The following ABCA3 variants were observed in gnomAD, a reference collection of about 807,000 sequenced individuals.
ABCA3 encodes ATP binding cassette subfamily A member 3.
ABCA3 carries 88 observed loss-of-function variants against 172.8 expected under a neutral mutation model. That is an observed-to-expected ratio of 0.51 (90% CI 0.43 to 0.61). The LOEUF (loss-of-function observed/expected upper bound fraction) is 0.61, where lower values mean the gene tolerates loss of function less well. ABCA3 is among the 20% of genes least tolerant of loss of function. The pLI is 0.00. For synonymous variants in ABCA3, 1,066 were observed against 983.8 expected, an observed-to-expected ratio of 1.08 and a Z score of -1.56; for missense variants, 2,164 against 2,301.0, an observed-to-expected ratio of 0.94 and a Z score of 1.22.
In ABCA3 at chr16:2,286,985, A is replaced by T. The variant is rs759361327; in HGVS notation, c.3005-18T>A. 34 of 1,610,058 alleles carry T rather than the reference A, an allele frequency of 2.1e-5. No individual in the cohort carries two copies. Among genetic ancestry groups the T allele is most frequent in the South Asian group, 1.1e-4 (10 of 90,620 alleles). On this transcript the variant is annotated intron_variant, in intron 21 of 32. Coordinates refer to ENST00000301732, the MANE Select transcript of ABCA3 (RefSeq NM_001089.3). This position sits in a 1 kb window ranked among gnomAD's most constrained non-coding sequence, Gnocchi z 5.2. ...CAGGTCACCTGGGGAGCAATGGCAGAGTCAGGGGACACAGGAAGAGGTGAC... is the reference window on the plus strand; with the variant it reads ...CAGGTCACCTGGGGAGCAATGGCAGTGTCAGGGGACACAGGAAGAGGTGAC...
intron 10 of ABCA3, 88 bp from the exon 11 acceptor site, chr16:2,308,711 C>T: frequency 5.3e-6 from 8 of 1,520,912 alleles, no homozygotes; most frequent in African/African-American, 1.4e-5. Context: ...ACCCCCTACT[C>T]CTGGGGCCGA....
chr16:2,294,511 C>T (rs1416004499), intron 18 of ABCA3, among the ~76,000 whole-genome samples: 1 of 151,634 alleles, frequency 6.6e-6, no homozygotes, highest in Admixed American at 6.6e-5. Flanking sequence ...CATAACAAGA[C>T]CCCATCTCTA....
At chr16:2,335,652 G>A (rs146984152) in intron 1 of ABCA3, among the ~76,000 whole-genome samples, 3 of 152,294 alleles carry the variant, frequency 2.0e-5, no homozygotes, top group Non-Finnish European at 2.9e-5. Flanking sequence ...CCTGACTGAG[G>A]AGGAGGCACC....
chr16:2,289,554 C>G lies in ABCA3; in HGVS notation c.2580G>C (p.Gln860His). ...QAIQLPALQY[Q>H]HERRASDWAV... is the part of the protein sequence containing the mutation. Reference sequence around the variant, plus strand: ...CCCAGTCGCTGGCGCGCCTCTCGTGCTGGTACTGCAGGGCAGGGAGCTGGA... The same window carrying G: ...CCCAGTCGCTGGCGCGCCTCTCGTGGTGGTACTGCAGGGCAGGGAGCTGGA... Residue 860 changes from glutamine to histidine, a missense_variant, in exon 20 of 33, where the codon CAG becomes CAC. Gln to His is a conservative substitution (Grantham distance 24). Coordinates refer to ENST00000301732, the MANE Select transcript of ABCA3 (RefSeq NM_001089.3). 6.4e-7 allele frequency: 1 copy of G among 1,565,318 alleles called. No individual in the cohort carries two copies. Among genetic ancestry groups the G allele is most frequent in the Non-Finnish European group, 8.7e-7 (1 of 1,155,480 alleles).
At chr16:2,291,442 G>A (rs1011817389) in intron 19 of ABCA3, among the ~76,000 whole-genome samples, 7 of 152,116 alleles carry the variant, frequency 4.6e-5, no homozygotes, top group East Asian at 3.9e-4. Context: ...GAGCCACCAC[G>A]CCCAGCCCCC....
chr16:2,306,831 C>A (rs1025344421), intron 11 of ABCA3, among the ~76,000 whole-genome samples: 2 of 151,934 alleles, frequency 1.3e-5, no homozygotes, highest in Non-Finnish European at 2.9e-5. Flanking sequence ...CTGGCTAACA[C>A]AGTGAAACCC....
chr16:2,333,878 CAG>C (rs2093747334), intron 1 of ABCA3, among the ~76,000 whole-genome samples: 1 of 151,888 alleles, frequency 6.6e-6, no homozygotes, highest in Non-Finnish European at 1.5e-5. Flanking sequence ...TTAGTAGAGA[CAG>C]GGTTTCACCA....
chr16:2,300,873 G>C (rs1226253845), intron 12 of ABCA3, among the ~76,000 whole-genome samples: 1 of 152,196 alleles, frequency 6.6e-6, no homozygotes, highest in Non-Finnish European at 1.5e-5. Flanking sequence ...ACGGCATCTG[G>C]CACACACTGC....
In ABCA3 at chr16:2,277,670, C is replaced by G. The variant is rs1567335271; in HGVS notation, c.4910G>C (p.Gly1637Ala). Residue 1637 changes from glycine (G) to alanine (A), a missense_variant and splice_region_variant, in exon 32 of 33, where the codon GGC (glycine) becomes GCC (alanine). By Grantham distance (60) the Gly-to-Ala change is moderately conservative. Around this residue, in one of 3 missense-constraint regions of ABCA3, gnomAD observed 795 missense variants for 881.9 expected, o/e 0.90. Coordinates refer to ENST00000301732, the MANE Select transcript of ABCA3 (RefSeq NM_001089.3). This position sits in a 1 kb window ranked among gnomAD's most constrained non-coding sequence, Gnocchi z 5.3. ...FKAFVDLTFP[G>A]SVLEDEHQGM... ...TTGGTGCTCATCTTCCAGGACGCTG[C>G]CTGCACAAAGGAGAGACGGTGTTGC... The G allele has an allele frequency of 1.2e-6, 2 of 1,613,164 alleles. No individual in the cohort carries two copies. The highest frequency in any genetic ancestry group is 2.2e-5 in the South Asian group (2 of 91,074).
intron 10 of ABCA3, among the ~76,000 whole-genome samples, chr16:2,313,568 A>T (rs1225488411): frequency 6.6e-6 from 1 of 151,058 alleles, no homozygotes. Flanking sequence ...AAAAAAAAAA[A>T]AAAAGAAGAA....
Position 2,284,519 on chromosome 16 carries a change from AG to A in ABCA3, c.3704-83del. 1 of 1,571,890 alleles carries A rather than the reference AG, an allele frequency of 6.4e-7. No homozygotes were observed. Among genetic ancestry groups the A allele is most frequent in the East Asian group, 2.2e-5 (1 of 44,632 alleles). The stretch of plus-strand genomic sequence containing the variant: ...GGACGGGCCTGGTCAGGGCGGGCAC[AG>A]GGCCTTATCCGTGCTGTGTGGAGTG... On this transcript the variant is annotated intron_variant, in intron 24 of 32. Transcript: ENST00000301732. This position sits in a 1 kb window ranked among gnomAD's most constrained non-coding sequence, Gnocchi z 5.9.
At position 2,281,053 on chromosome 16, in the gene ABCA3, G is replaced by T; in HGVS notation, c.4333C>A (p.His1445Asn). 1 of 1,613,868 alleles carries T rather than the reference G, an allele frequency of 6.2e-7. No individual in the cohort carries two copies. The highest frequency in any genetic ancestry group is 1.1e-5 in the South Asian group (1 of 91,074). ...LTSGDAFVGG[H>N]RISSDVGKVR... ...TTTCCGACATCAGAGCTGATTCTGTGACCCCCGACAAAGGCATCCCCAGAA... is the reference window on the plus strand; with the variant it reads ...TTTCCGACATCAGAGCTGATTCTGTTACCCCCGACAAAGGCATCCCCAGAA... The change falls in exon 28 of 33, where the codon CAC becomes AAC. Residue 1445 changes from histidine (H) to asparagine (N), a missense_variant. This residue lies in a region of ABCA3 where 795 missense variants were observed against 881.9 expected (regional missense o/e 0.90). Transcript: ENST00000301732. This position sits in a 1 kb window ranked among gnomAD's most constrained non-coding sequence, Gnocchi z 4.7.
rs186912353 is a variant in ABCA3, at chr16:2,303,864, C to T, written c.1467+105G>A. On this transcript the variant is annotated intron_variant, in intron 12 of 32. Transcript: ENST00000301732. Reference sequence around the variant, plus strand: ...GGCAGGGTTCTGTGTGCCAGCCCCACGCAGGTGCTGCATGCTGGGGACTCA... The same window carrying T: ...GGCAGGGTTCTGTGTGCCAGCCCCATGCAGGTGCTGCATGCTGGGGACTCA... 239 of 1,310,988 alleles carry T rather than the reference C, an allele frequency of 1.8e-4. 3 individuals are homozygous for T. The highest frequency in any genetic ancestry group is 1.3e-3 in the South Asian group (109 of 80,784). The allele number at this position is 1,310,988 out of a possible 1,614,324, so 81.2% of individuals were successfully genotyped here.
rs1158588553 is a variant in ABCA3, at chr16:2,325,983, G to C, written c.319+27C>G. 3 of 1,611,860 alleles carry C rather than the reference G, an allele frequency of 1.9e-6. No individual in the cohort carries two copies. In the East Asian group the frequency reaches 6.7e-5, roughly 36 times the overall value. On this transcript the variant is annotated intron_variant, in intron 5 of 32. Coordinates refer to ENST00000301732, the MANE Select transcript of ABCA3 (RefSeq NM_001089.3). ...GCCGCGTGGAGGCACCACTAGGCCTGGCACCGAGAGCCCCGGCATGTCTCA... is the reference window on the plus strand; with the variant it reads ...GCCGCGTGGAGGCACCACTAGGCCTCGCACCGAGAGCCCCGGCATGTCTCA...
At position 2,297,699 on chromosome 16, in the gene ABCA3, C is replaced by A; in HGVS notation, c.2052+67G>T. On this transcript the variant is annotated intron_variant, in intron 16 of 32. Transcript: ENST00000301732. This position sits in a 1 kb window ranked among gnomAD's most constrained non-coding sequence, Gnocchi z 5.6. ...GTGTCAAGGGCCAAGGTGCCCGGGC[C>A]ATGGCGGAAGGGCCATCCCAGGTCG... 1 of 1,601,090 alleles carries A rather than the reference C, an allele frequency of 6.2e-7. No individual in the cohort carries two copies. The highest frequency in any genetic ancestry group is 8.5e-7 in the Non-Finnish European group (1 of 1,179,270).
Position 2,276,398 on chromosome 16 carries a change from A to G in ABCA3, c.*276T>C. ...CCCTTCCTGGGTCAGCTCTCCACCCAGAGACCCCGGAGCTTGCCCGCAGAC... is the reference window on the plus strand; with the variant it reads ...CCCTTCCTGGGTCAGCTCTCCACCCGGAGACCCCGGAGCTTGCCCGCAGAC... On this transcript the variant is annotated 3_prime_UTR_variant, in exon 33 of 33. Transcript: ENST00000301732. 1 of 588,468 alleles carries G rather than the reference A, an allele frequency of 1.7e-6. No homozygotes were observed. Among genetic ancestry groups the G allele is most frequent in the South Asian group, 1.5e-5 (1 of 65,818 alleles). The allele number at this position is 588,468 out of a possible 1,614,324, so 36.5% of individuals were successfully genotyped here.
rs777754364 is a variant in ABCA3, at chr16:2,277,674, C to T, written c.4910-4G>A. 10 of 1,613,040 alleles carry T rather than the reference C, an allele frequency of 6.2e-6. No individual in the cohort carries two copies. In the Admixed American group the frequency reaches 1.7e-4, roughly 27 times the overall value. ...TGCTCATCTTCCAGGACGCTGCCTG[C>T]ACAAAGGAGAGACGGTGTTGCTGTG... On this transcript the variant is annotated splice_region_variant and splice_polypyrimidine_tract_variant and intron_variant, in intron 31 of 32. Transcript: ENST00000301732. This position sits in a 1 kb window ranked among gnomAD's most constrained non-coding sequence, Gnocchi z 5.3.
chr16:2,308,353 G>T, intron 11 of ABCA3, 97 bp downstream of exon 11: 2 of 1,484,748 alleles, frequency 1.3e-6, no homozygotes, highest in Non-Finnish European at 1.9e-6. Flanking sequence ...CCTGCCAACC[G>T]TCCCAGGTGG....
At chr16:2,314,777 T>C (rs2093712223) in intron 10 of ABCA3, among the ~76,000 whole-genome samples, 1 of 151,678 alleles carries the variant, frequency 6.6e-6, no homozygotes, top group African/African-American at 2.4e-5. Context: ...GGTTTCTCCA[T>C]GTTAGTCAGG....
Sources: allele counts gnomAD v4.1 joint callset (sites outside exome capture counted in the v4.1 genomes callset), GRCh38; gene constraint gnomAD v4.1.1; regional missense constraint gnomAD v4.1.1; non-coding constraint Gnocchi (gnomAD v3.1); transcripts MANE v1.5; gene names NCBI Gene and HGNC (gene_info 2026-07-23, HGNC 2026-07-21).